MALRD1: variants seen among roughly 807,000 people sequenced by gnomAD.
The protein encoded by MALRD1 is MAM and LDL receptor class A domain containing 1.
MALRD1 carries 247 observed loss-of-function variants against 242.1 expected under a neutral mutation model. That is an observed-to-expected ratio of 1.02 (90% CI 0.92 to 1.13). The LOEUF (loss-of-function observed/expected upper bound fraction) is 1.13. Ranked by LOEUF, MALRD1 falls within the 50% of genes most tolerant of loss-of-function variation. MALRD1 has a pLI of 0.00. For synonymous variants in MALRD1, 995 were observed against 866.6 expected (o/e 1.15, Z -2.60); for missense variants, 2,989 against 2,533.1 (o/e 1.18, Z -3.86).
intron 14 of MALRD1, among the ~76,000 whole-genome samples, chr10:19,195,568 C>T (rs1472503048): frequency 6.6e-6 from 1 of 152,156 alleles, no homozygotes; most frequent in Non-Finnish European, 1.5e-5. Flanking sequence ...TTTTCATACC[C>T]ACCTGCAAGC....
chr10:19,346,114 A>G (rs1487912051), intron 24 of MALRD1, among the ~76,000 whole-genome samples: 1 of 152,086 alleles, frequency 6.6e-6, no homozygotes, highest in Non-Finnish European at 1.5e-5. Flanking sequence ...CCACCTTATA[A>G]ACTACAAAGA....
intron 21 of MALRD1, among the ~76,000 whole-genome samples, chr10:19,306,651 G>A (rs1245920994): frequency 6.6e-6 from 1 of 150,682 alleles, no homozygotes; most frequent in African/African-American, 2.4e-5. Flanking sequence ...CTGTTCTCAT[G>A]CTGCTGATAA....
At chr10:19,133,715 A>C (rs145456326) in intron 8 of MALRD1, 141 bp from the exon 9 acceptor site, 5,053 of 400,182 alleles carry the variant, frequency 0.013, 43 homozygotes, top group Non-Finnish European at 0.018. Flanking sequence ...TTTCAATTTT[A>C]CTACCAAGAC....
chr10:19,560,246 A>T (rs1440907718), intron 32 of MALRD1, among the ~76,000 whole-genome samples: 1 of 152,156 alleles, frequency 6.6e-6, no homozygotes, highest in Non-Finnish European at 1.5e-5. Context: ...AGGTGGGTGG[A>T]TCACAAGGTC....
chr10:19,357,936 C>A (rs1441506217), intron 26 of MALRD1, among the ~76,000 whole-genome samples: 2 of 151,612 alleles, frequency 1.3e-5, no homozygotes, highest in Admixed American at 6.6e-5. Flanking sequence ...CAAAATAGAC[C>A]CAGGGCTTTA....
intron 36 of MALRD1, among the ~76,000 whole-genome samples, chr10:19,689,619 T>C (rs1240497153): frequency 1.3e-5 from 2 of 152,078 alleles, no homozygotes; most frequent in Non-Finnish European, 2.9e-5. Flanking sequence ...GTCAACAAGA[T>C]GAATATTGAA....
chr10:19,188,493 C>G (rs1835833183), intron 14 of MALRD1, among the ~76,000 whole-genome samples: 1 of 152,126 alleles, frequency 6.6e-6, no homozygotes, highest in South Asian at 2.1e-4. Context: ...ATACAATACT[C>G]ATGTCAGTCA....
intron 4 of MALRD1, among the ~76,000 whole-genome samples, chr10:19,095,506 T>TA (rs1211741343): frequency 6.6e-6 from 1 of 152,138 alleles, no homozygotes; most frequent in Non-Finnish European, 1.5e-5. Flanking sequence ...ATCAGGCACT[T>TA]AAGTCTTTCT....
intron 33 of MALRD1, among the ~76,000 whole-genome samples, chr10:19,571,972 A>T (rs996800939): frequency 6.6e-6 from 1 of 152,180 alleles, no homozygotes; most frequent in Non-Finnish European, 1.5e-5. Flanking sequence ...ACCTCGTATT[A>T]GGTGTTTTGT....
At chr10:19,496,153 A>G (rs763352927) in intron 30 of MALRD1, among the ~76,000 whole-genome samples, 8 of 152,204 alleles carry the variant, frequency 5.3e-5, no homozygotes, top group East Asian at 1.9e-4. Flanking sequence ...ACAGTATTAG[A>G]CAGATAATTG....
chr10:19,448,826 TATG>T (rs1388472345), intron 28 of MALRD1, among the ~76,000 whole-genome samples: 4 of 151,904 alleles, frequency 2.6e-5, no homozygotes, highest in African/African-American at 9.7e-5. Flanking sequence ...ATCAAAATAA[TATG>T]ATTATATAAT....
intron 8 of MALRD1, among the ~76,000 whole-genome samples, chr10:19,129,069 A>T (rs548897063): frequency 3.3e-5 from 5 of 152,062 alleles, no homozygotes; most frequent in Admixed American, 6.6e-5. Flanking sequence ...ACAGCAATTC[A>T]GTTCTCTAGT....
chr10:19,457,024 A>G (rs529678586), intron 29 of MALRD1, among the ~76,000 whole-genome samples: 94 of 152,310 alleles, frequency 6.2e-4, no homozygotes, highest in African/African-American at 2.1e-3. Context: ...CAAGTGCTTT[A>G]TACAATAATT....
intron 33 of MALRD1, among the ~76,000 whole-genome samples, chr10:19,569,669 ATATAT>A (rs975690142): frequency 2.2e-4 from 32 of 147,030 alleles, no homozygotes; most frequent in African/African-American, 7.6e-4. Flanking sequence ...ATGTATTATT[ATATAT>A]TATATTATTA....
At chr10:19,250,462 G>T (rs367937733) in intron 18 of MALRD1, among the ~76,000 whole-genome samples, 1 of 151,732 alleles carries the variant, frequency 6.6e-6, no homozygotes, top group Non-Finnish European at 1.5e-5. Context: ...GTTCTCAGAG[G>T]GTATTTTAAA....
chr10:19,712,816 T>A (rs1834195175), intron 38 of MALRD1, among the ~76,000 whole-genome samples: 1 of 152,036 alleles, frequency 6.6e-6, no homozygotes, highest in Non-Finnish European at 1.5e-5. Flanking sequence ...GAGAAAAGAC[T>A]ATTTTTAGAA....
rs1279750792 is a variant in MALRD1 at position 19,679,886 on chromosome 10, C to T, written c.6138-12396C>T. ...TCATTGGTTTCAAATAACTTCATTT[C>T]TACCTTAATTTAATTATTTACCCAG... On this transcript the variant is annotated intron_variant, in intron 36 of 39. Coordinates refer to ENST00000454679, the MANE Select transcript of MALRD1 (RefSeq NM_001142308.3). 1.6e-4 allele frequency among the ~76,000 whole-genome samples: 24 copies of T among 152,074 alleles called. 1 individual carries two copies. The highest frequency in any genetic ancestry group is 1.5e-3 in the Admixed American group (23 of 15,252).
chr10:19,348,044 C>CCAAA (rs1285695628), intron 25 of MALRD1, 26 bp downstream of exon 25: 1 of 1,542,916 alleles, frequency 6.5e-7, no homozygotes, highest in Non-Finnish European at 8.7e-7. Context: ...AACCAACCAA[C>CCAAA]CAAACAAACA....
chr10:19,315,085 G>T (rs34922165), intron 21 of MALRD1, among the ~76,000 whole-genome samples: 1,427 of 114,082 alleles, frequency 0.013, 10 homozygotes, highest in African/African-American at 0.026. Context: ...ATAATTTATA[G>T]AAATATGTAA....
Sources: gnomAD v4.1 joint callset for allele counts (sites outside exome capture counted in the v4.1 genomes callset) on GRCh38, gnomAD v4.1.1 for gene constraint, MANE v1.5 for transcripts, NCBI Gene and HGNC (gene_info 2026-07-23, HGNC 2026-07-21) for gene names.